The following EBF2 variants were observed in gnomAD, a reference collection of about 807,000 sequenced individuals.
The protein encoded by EBF2 is EBF transcription factor 2, also known as transcription factor COE2.
EBF2 carries 21 observed loss-of-function variants against 72.8 expected under a neutral mutation model. The observed-to-expected ratio is 0.29, with a 90% confidence interval of 0.20 to 0.42. The LOEUF (loss-of-function observed/expected upper bound fraction) is 0.42. Ranked by LOEUF, EBF2 falls within the 10% of genes least tolerant of loss-of-function variation. The pLI, the probability that EBF2 is intolerant of heterozygous loss-of-function variation, is 1.00. For missense variants in EBF2, 637 were observed against 731.2 expected (o/e 0.87, Z 1.49); for synonymous variants, 299 against 274.2 (o/e 1.09, Z -0.89).
intron 5 of EBF2, among the ~76,000 whole-genome samples, chr8:26,039,067 A>G (rs1389595731): frequency 6.6e-6 from 1 of 152,126 alleles, no homozygotes. Flanking sequence ...TTAAATTTTC[A>G]TAATAAAATA....
chr8:25,859,924 C>A lies in EBF2; in HGVS notation c.1342+1125G>T, dbSNP rs180852599. 2.2e-3 allele frequency among the ~76,000 whole-genome samples: 340 copies of A among 151,992 alleles called. 1 individual carries two copies. The highest frequency in any genetic ancestry group is 3.3e-3 in the Non-Finnish European group (222 of 67,946). On this transcript the variant is annotated intron_variant, in intron 13 of 15. Transcript: ENST00000520164. ...TAGACACAGGGTTTCACCATGCTGC[C>A]CAGGCTGGTCTCAAACTCCTGAGCT...
intron 6 of EBF2, among the ~76,000 whole-genome samples, chr8:25,933,822 T>C (rs979835358): frequency 2.0e-5 from 3 of 152,198 alleles, no homozygotes; most frequent in Admixed American, 6.5e-5. Context: ...GATTATCACA[T>C]TTTTGTTTAA....
chr8:25,867,391 A>G (rs1177661794), intron 10 of EBF2, among the ~76,000 whole-genome samples: 1 of 152,224 alleles, frequency 6.6e-6, no homozygotes, highest in Non-Finnish European at 1.5e-5. Context: ...CCAAGCCAAC[A>G]GGAACTTTTC....
At chr8:25,948,188 G>T (rs1803803270) in intron 6 of EBF2, among the ~76,000 whole-genome samples, 1 of 152,164 alleles carries the variant, frequency 6.6e-6, no homozygotes, top group South Asian at 2.1e-4. Flanking sequence ...TGACTTGGTT[G>T]TTCCTTGGCC....
intron 6 of EBF2, among the ~76,000 whole-genome samples, chr8:26,029,391 C>T (rs941511800): frequency 6.6e-6 from 1 of 152,150 alleles, no homozygotes; most frequent in African/African-American, 2.4e-5. Context: ...TTTACCTTCC[C>T]ATTTTGTTAT....
intron 6 of EBF2, among the ~76,000 whole-genome samples, chr8:25,941,813 C>A (rs934955360): frequency 2.0e-5 from 3 of 152,182 alleles, no homozygotes; most frequent in Admixed American, 1.3e-4. Flanking sequence ...CCTGCTCTCG[C>A]TAATTCATTA....
intron 6 of EBF2, among the ~76,000 whole-genome samples, chr8:25,917,046 A>T (rs1278180361): frequency 6.6e-6 from 1 of 152,172 alleles, no homozygotes; most frequent in East Asian, 1.9e-4. Context: ...AATGTCTCCC[A>T]TAGCCCAAGT....
At chr8:25,940,373 A>G (rs1055490603) in intron 6 of EBF2, among the ~76,000 whole-genome samples, 2 of 152,192 alleles carry the variant, frequency 1.3e-5, no homozygotes, top group African/African-American at 2.4e-5. Flanking sequence ...CTATATCCCC[A>G]TAGATAGCAA....
intron 6 of EBF2, among the ~76,000 whole-genome samples, chr8:25,935,215 T>C (rs778517684): frequency 2.6e-5 from 4 of 151,908 alleles, no homozygotes; most frequent in Non-Finnish European, 1.5e-5. Context: ...CTGCAGCCAG[T>C]TGGTGCCAAA....
At chr8:25,858,597 A>T in intron 13 of EBF2, 93 bp from the exon 14 acceptor site, 2 of 1,269,326 alleles carry the variant, frequency 1.6e-6, no homozygotes, top group South Asian at 1.5e-5. Context: ...CCCAGACTGC[A>T]GAATGTCACC....
chr8:25,971,533 T>C (rs1804189935), intron 6 of EBF2, among the ~76,000 whole-genome samples: 2 of 152,056 alleles, frequency 1.3e-5, no homozygotes, highest in Non-Finnish European at 2.9e-5. Flanking sequence ...CGCTAAATTA[T>C]TGGTAGGAGG....
At chr8:25,886,692 A>G in intron 10 of EBF2, 63 bp downstream of exon 10, 2 of 1,531,648 alleles carry the variant, frequency 1.3e-6, no homozygotes, top group Non-Finnish European at 8.8e-7. Flanking sequence ...AAGTGCAGAT[A>G]CTGGGAACTA....
At chr8:25,909,006 A>G (rs1026833625) in intron 6 of EBF2, among the ~76,000 whole-genome samples, 9 of 152,234 alleles carry the variant, frequency 5.9e-5, no homozygotes, top group African/African-American at 2.2e-4. Context: ...TCATACGTGA[A>G]GGTGGCCTGA....
intron 6 of EBF2, among the ~76,000 whole-genome samples, chr8:26,026,578 C>T (rs936120835): frequency 5.3e-5 from 8 of 152,276 alleles, no homozygotes; most frequent in East Asian, 1.9e-4. Flanking sequence ...TCAGTCACGC[C>T]GAGGATGGAC....
At chr8:25,912,681 C>CT (rs2117124959) in intron 6 of EBF2, among the ~76,000 whole-genome samples, 2 of 152,232 alleles carry the variant, frequency 1.3e-5, no homozygotes, top group African/African-American at 4.8e-5. Flanking sequence ...GTATTGTGCT[C>CT]TGTGTGCCAG....
In EBF2 at chr8:26,042,260, G is replaced by A. The variant is rs1805614072; in HGVS notation, c.132-9C>T. ...GGGACAGGGCGACCCCGCTGCACAG[G>A]GAGAAAAACGGGGGAACACAAGACA... is the stretch of plus-strand genomic sequence containing the variant. On this transcript the variant is annotated splice_polypyrimidine_tract_variant and intron_variant, in intron 1 of 15. Transcript: ENST00000520164. 1 of 1,608,808 alleles carries A rather than the reference G, an allele frequency of 6.2e-7. No homozygotes were observed. The highest frequency in any genetic ancestry group is 8.5e-7 in the Non-Finnish European group (1 of 1,177,406).
chr8:25,881,355 C>A (rs1053048634), intron 10 of EBF2, among the ~76,000 whole-genome samples: 1 of 152,216 alleles, frequency 6.6e-6, no homozygotes, highest in African/African-American at 2.4e-5. Context: ...TTCTTGTCTA[C>A]CCCAGGGTCT....
chr8:25,980,752 C>A (rs1804348365), intron 6 of EBF2, among the ~76,000 whole-genome samples: 2 of 138,042 alleles, frequency 1.4e-5, no homozygotes, highest in African/African-American at 2.7e-5. Context: ...AGACCGATGA[C>A]CTTTGACTTG....
chr8:25,887,006 G>A, intron 9 of EBF2, 125 bp from the exon 10 acceptor site: 9 of 993,078 alleles, frequency 9.1e-6, no homozygotes, highest in South Asian at 4.3e-5. Flanking sequence ...TACTCTAACT[G>A]GAGTACTCCT....
Sources: gnomAD v4.1 joint callset for allele counts (sites outside exome capture counted in the v4.1 genomes callset) on GRCh38, gnomAD v4.1.1 for gene constraint, MANE v1.5 for transcripts, NCBI Gene and HGNC (gene_info 2026-07-23, HGNC 2026-07-21) for gene names.